SLC2A9: variants seen among roughly 807,000 people sequenced by gnomAD.
The protein encoded by SLC2A9 is solute carrier family 2, facilitated glucose transporter member 9.
Under a neutral mutation model 50.6 loss-of-function variants are expected in SLC2A9, and 39 were observed. The observed-to-expected ratio is 0.77, with a 90% confidence interval of 0.60 to 1.01. SLC2A9 has a LOEUF of 1.01. Ranked by LOEUF, SLC2A9 falls within the 50% of genes least tolerant of loss-of-function variation. The pLI is 0.00. For missense variants in SLC2A9, 686 were observed against 677.6 expected, an observed-to-expected ratio of 1.01 and a Z score of -0.14; for synonymous variants, 324 against 276.9, an observed-to-expected ratio of 1.17 and a Z score of -1.69.
chr4:9,991,214 A>G (rs183887768), intron 3 of SLC2A9, among the ~76,000 whole-genome samples: 1 of 152,168 alleles, frequency 6.6e-6, no homozygotes, highest in African/African-American at 2.4e-5. Context: ...CCCCACCTTA[A>G]AGATTACTCC....
At chr4:9,786,997 C>T (rs1481503421) in intron 3 of SLC2A9, among the ~76,000 whole-genome samples, 2 of 152,202 alleles carry the variant, frequency 1.3e-5, no homozygotes, top group Non-Finnish European at 2.9e-5. Flanking sequence ...GTCCCAGCTC[C>T]CTGTCCACAA....
At chr4:9,936,830 CT>C (rs1399586501) in intron 6 of SLC2A9, among the ~76,000 whole-genome samples, 1 of 152,164 alleles carries the variant, frequency 6.6e-6, no homozygotes, top group East Asian at 1.9e-4. Flanking sequence ...TCTAAACTCT[CT>C]GGTGATTTGT....
At chr4:9,771,695 G>A (rs73805835) in intron 1 of SLC2A9, among the ~76,000 whole-genome samples, 122 of 152,364 alleles carry the variant, frequency 8.0e-4, no homozygotes, top group Middle Eastern at 3.4e-3. Context: ...ATTCACTTCA[G>A]TGGGCTGTTG....
At chr4:10,018,266 C>A (rs1033823251) in intron 2 of SLC2A9, among the ~76,000 whole-genome samples, 1 of 152,274 alleles carries the variant, frequency 6.6e-6, no homozygotes, top group Admixed American at 6.5e-5. Context: ...AACACCAGGC[C>A]GGGCACAGTG....
chr4:9,822,285 G>T (rs1724513922), downstream of SLC2A9, among the ~76,000 whole-genome samples: 1 of 151,890 alleles, frequency 6.6e-6, no homozygotes, highest in African/African-American at 2.4e-5. Context: ...TTCCATTTTG[G>T]ATTTCATATA....
intron 10 of SLC2A9, chr4:9,879,476 G>A (rs1734848206): frequency 1.0e-6 from 1 of 985,248 alleles, no homozygotes; most frequent in South Asian, 4.7e-5. Flanking sequence ...GGGATAGAGA[G>A]GGAGGGCAGG....
At chr4:9,875,416 T>TGGCCATAGGTTACTCTCTGTCTAAGATG (rs1734155991) in intron 10 of SLC2A9, among the ~76,000 whole-genome samples, 1 of 151,924 alleles carries the variant, frequency 6.6e-6, no homozygotes. Context: ...TCTTTAGAAA[T>TGGCCATAGGTTACTCTCTGTCTAAGATG]GTCTTCTTGT....
intron 2 of SLC2A9, among the ~76,000 whole-genome samples, chr4:10,004,958 G>A (rs867545183): frequency 5.3e-5 from 8 of 152,158 alleles, no homozygotes; most frequent in South Asian, 4.1e-4. Context: ...TATCTTACTT[G>A]GGATTCCTTG....
At chr4:9,879,135 T>C (rs1734774897) in intron 10 of SLC2A9, 1 of 979,612 alleles carries the variant, frequency 1.0e-6, no homozygotes, top group Non-Finnish European at 1.2e-6. Flanking sequence ...TTAGGAGGAC[T>C]GACCAACCAT....
chr4:10,029,851 G>T (rs1214753134), intron 1 of SLC2A9, among the ~76,000 whole-genome samples: 2 of 151,950 alleles, frequency 1.3e-5, no homozygotes, highest in Non-Finnish European at 2.9e-5. Context: ...GGCCAGGATG[G>T]TCTGGAACTC....
At chr4:9,988,585 T>C (rs1757145072) in intron 3 of SLC2A9, among the ~76,000 whole-genome samples, 1 of 152,236 alleles carries the variant, frequency 6.6e-6, no homozygotes, top group Admixed American at 6.5e-5. Flanking sequence ...TGTTTCCATT[T>C]GTTTCCTGTG....
At chr4:9,996,023 T>C (rs569789936) in intron 3 of SLC2A9, 6 of 152,870 alleles carry the variant, frequency 3.9e-5, no homozygotes, top group African/African-American at 1.2e-4. Flanking sequence ...TGGGGATTCA[T>C]TGATAAGTCA....
At chr4:9,891,929 G>A (rs1737526569) in intron 8 of SLC2A9, among the ~76,000 whole-genome samples, 1 of 152,212 alleles carries the variant, frequency 6.6e-6, no homozygotes, top group Non-Finnish European at 1.5e-5. Context: ...CTGCCTGCCA[G>A]CTTCAGGTGA....
chr4:9,863,294 G>A (rs564872023), intron 10 of SLC2A9, among the ~76,000 whole-genome samples: 3 of 152,068 alleles, frequency 2.0e-5, no homozygotes, highest in African/African-American at 7.3e-5. Context: ...CTACAGGCAT[G>A]TGCCACCATG....
downstream of SLC2A9, among the ~76,000 whole-genome samples, chr4:9,826,066 C>G (rs1725080477): frequency 6.7e-6 from 1 of 150,102 alleles, no homozygotes. Context: ...TACTATTTCC[C>G]CAATTTCATT....
chr4:9,997,729 CAAAA>C (rs34082587), intron 2 of SLC2A9, among the ~76,000 whole-genome samples: 1 of 139,552 alleles, frequency 7.2e-6, no homozygotes, highest in Non-Finnish European at 1.6e-5. Context: ...ACATACCTAA[CAAAA>C]AAAAAATAGG....
At chr4:9,827,307 C>T (rs936626592) in intron 11 of SLC2A9, among the ~76,000 whole-genome samples, 25 of 152,154 alleles carry the variant, frequency 1.6e-4, no homozygotes, top group African/African-American at 6.0e-4. Flanking sequence ...ACTTGAAATC[C>T]TAGCCTCAAT....
At chr4:9,797,363 A>G (rs954028524), downstream of SLC2A9, among the ~76,000 whole-genome samples, 2 of 152,258 alleles carry the variant, frequency 1.3e-5, no homozygotes, top group Non-Finnish European at 2.9e-5. Context: ...CTAAGCCTAG[A>G]ACCAAACCTT....
intron 3 of SLC2A9, among the ~76,000 whole-genome samples, chr4:9,804,553 T>C (rs193197972): frequency 1.3e-5 from 2 of 152,304 alleles, no homozygotes; most frequent in Admixed American, 6.5e-5. Flanking sequence ...CACCACCACA[T>C]GCCAGGCAAG....
Sources: gnomAD v4.1 joint callset for allele counts (sites outside exome capture counted in the v4.1 genomes callset) on GRCh38, gnomAD v4.1.1 for gene constraint, MANE v1.5 for transcripts, NCBI Gene and HGNC (gene_info 2026-07-23, HGNC 2026-07-21) for gene names.